The following CROT variants were observed in gnomAD, a reference collection of about 807,000 sequenced individuals.
The protein encoded by CROT is peroxisomal carnitine O-octanoyltransferase.
In CROT, 84 loss-of-function variants were observed where a neutral mutation model predicts 89.2. That is an observed-to-expected ratio of 0.94 (90% CI 0.79 to 1.13). CROT has a LOEUF of 1.13. Ranked by LOEUF, CROT falls within the 50% of genes most tolerant of loss-of-function variation. The pLI, the probability that CROT is intolerant of heterozygous loss-of-function variation, is 0.00. For synonymous variants in CROT, 212 were observed against 239.5 expected (o/e 0.89, Z 1.06); for missense variants, 711 against 727.8 (o/e 0.98, Z 0.27).
intron 7 of CROT, chr7:87,369,686 G>A (rs1440222852): frequency 4.1e-6 from 1 of 244,012 alleles, no homozygotes; most frequent in African/African-American, 2.3e-5. Context: ...ATGTTCACTT[G>A]GAGAAAAGGA....
chr7:87,372,702 C>A (rs1297531179), intron 7 of CROT, among the ~76,000 whole-genome samples: 2 of 152,160 alleles, frequency 1.3e-5, no homozygotes, highest in African/African-American at 4.8e-5. Flanking sequence ...TGGCATCTTA[C>A]AACATGTAGC....
intron 10 of CROT, among the ~76,000 whole-genome samples, chr7:87,378,940 A>G (rs1806900997): frequency 6.6e-6 from 1 of 152,216 alleles, no homozygotes; most frequent in South Asian, 2.1e-4. Flanking sequence ...TACAGTGAAA[A>G]GTTGCCACAA....
intron 10 of CROT, among the ~76,000 whole-genome samples, chr7:87,381,505 T>C (rs1369336661): frequency 6.6e-6 from 1 of 152,214 alleles, no homozygotes; most frequent in Non-Finnish European, 1.5e-5. Flanking sequence ...CCATCCCAAA[T>C]GCTTTCAGAT....
intron 13 of CROT, among the ~76,000 whole-genome samples, chr7:87,391,281 A>G (rs1040742453): frequency 1.1e-4 from 16 of 152,224 alleles, no homozygotes; most frequent in African/African-American, 3.9e-4. Context: ...GTCACTGTCT[A>G]GCCTGCGCTC....
chr7:87,387,652 T>C (rs1051141638), intron 13 of CROT, among the ~76,000 whole-genome samples: 1 of 152,142 alleles, frequency 6.6e-6, no homozygotes, highest in Non-Finnish European at 1.5e-5. Context: ...AAATTTTTGT[T>C]AAGAAAAATC....
intron 13 of CROT, among the ~76,000 whole-genome samples, chr7:87,389,995 T>C (rs1348272284): frequency 2.0e-5 from 3 of 152,306 alleles, no homozygotes; most frequent in East Asian, 1.9e-4. Context: ...TTTTTAAATA[T>C]GGGAATCTTT....
rs187779783 is a variant in CROT, at chr7:87,359,347, T to C, written c.240+17T>C. 7.1e-5 allele frequency: 112 copies of C among 1,584,642 alleles called. No individual in the cohort carries two copies. The East Asian group carries it at 2.4e-3, about 33-fold the overall frequency. ...AGAAATTGGGTATTTGTTGTTATAA[T>C]TGAATAATGATGATGTTTAAAGAAT... On this transcript the variant is annotated intron_variant, in intron 4 of 17. Transcript: ENST00000331536.
At chr7:87,362,114 G>C (rs144901064) in intron 6 of CROT, among the ~76,000 whole-genome samples, 1 of 152,254 alleles carries the variant, frequency 6.6e-6, no homozygotes, top group Non-Finnish European at 1.5e-5. Context: ...TTGAAGAGTA[G>C]AATCAGAGTA....
At chr7:87,392,471 A>G in intron 14 of CROT, 95 bp from the exon 15 acceptor site, 2 of 916,842 alleles carry the variant, frequency 2.2e-6, no homozygotes, top group Non-Finnish European at 3.5e-6. Flanking sequence ...TCCTCTCCCA[A>G]ATTACCCCAA....
At chr7:87,391,206 C>T (rs1348295358) in intron 13 of CROT, among the ~76,000 whole-genome samples, 1 of 152,242 alleles carries the variant, frequency 6.6e-6, no homozygotes, top group East Asian at 1.9e-4. Flanking sequence ...AGAGAGCTCT[C>T]TTTGTAACCT....
intron 3 of CROT, among the ~76,000 whole-genome samples, chr7:87,355,845 G>GA (rs1215360163): frequency 6.6e-6 from 1 of 151,596 alleles, no homozygotes; most frequent in Non-Finnish European, 1.5e-5. Flanking sequence ...TTGCAGAAAG[G>GA]AAAAGGGACA....
chr7:87,359,426 TAC>T lies in CROT; in HGVS notation c.240+98_240+99del, dbSNP rs1181217532. On this transcript the variant is annotated intron_variant, in intron 4 of 17. Coordinates refer to ENST00000331536, the MANE Select transcript of CROT (RefSeq NM_021151.4). ...TTTAAATTATTGCTGTAAAAATTTT[TAC>T]AGTTATTATTGTTATTTTCATAATC... The T allele has an allele frequency of 4.7e-6, 7 of 1,485,890 alleles. No individual in the cohort carries two copies. The East Asian group carries it at 1.5e-4, about 32-fold the overall frequency. The allele number at this position is 1,485,890 out of a possible 1,614,324, so 92.0% of individuals were successfully genotyped here. A position where few individuals can be genotyped will look rare whatever the true frequency, so the allele number is the denominator to read the frequency against.
At chr7:87,351,808 G>C (rs1041927142) in intron 3 of CROT, among the ~76,000 whole-genome samples, 1 of 152,134 alleles carries the variant, frequency 6.6e-6, no homozygotes, top group Non-Finnish European at 1.5e-5. Flanking sequence ...GTCTATAGGA[G>C]GTCCTTCTTT....
chr7:87,386,213 T>C (rs376741578), intron 13 of CROT, among the ~76,000 whole-genome samples: 2 of 152,206 alleles, frequency 1.3e-5, no homozygotes, highest in African/African-American at 4.8e-5. Flanking sequence ...CCCTCTTCAA[T>C]TTTTTGGAAT....
At chr7:87,373,896 C>A (rs79043423) in intron 7 of CROT, among the ~76,000 whole-genome samples, 2,918 of 151,986 alleles carry the variant, frequency 0.019, 102 homozygotes, top group African/African-American at 0.066. Flanking sequence ...GTGAAAAAAT[C>A]AAGTAAGAAG....
chr7:87,361,636 G>GCTTAATT, intron 5 of CROT, 65 bp downstream of exon 5: 3 of 1,529,486 alleles, frequency 2.0e-6, no homozygotes, highest in Non-Finnish European at 2.6e-6. Flanking sequence ...ATGTTGAGAA[G>GCTTAATT]CTTAATTTAC....
At chr7:87,394,313 G>A (rs1022496550) in intron 17 of CROT, among the ~76,000 whole-genome samples, 2 of 152,114 alleles carry the variant, frequency 1.3e-5, no homozygotes, top group African/African-American at 4.8e-5. Flanking sequence ...CACAAAAAGT[G>A]ATCTTTCGTG....
intron 13 of CROT, among the ~76,000 whole-genome samples, chr7:87,383,447 C>T (rs1321896323): frequency 6.7e-6 from 1 of 150,116 alleles, no homozygotes; most frequent in Non-Finnish European, 1.5e-5. Flanking sequence ...GGATTTCATT[C>T]TTTGTTTTTT....
chr7:87,398,933 T>C lies in CROT; in HGVS notation c.*289T>C, dbSNP rs1206138611. Reference sequence around the variant, plus strand: ...CTCAACAATCCAAATCTACAAACTTTAACAATGCAAGTCTTACTCTAATTT... The same window carrying C: ...CTCAACAATCCAAATCTACAAACTTCAACAATGCAAGTCTTACTCTAATTT... On this transcript the variant is annotated 3_prime_UTR_variant, in exon 18 of 18. Transcript: ENST00000331536. The C allele has an allele frequency of 1.7e-5, 5 of 302,986 alleles. No homozygotes were observed. The highest frequency in any genetic ancestry group is 2.4e-5 in the Non-Finnish European group (4 of 163,964). The allele number at this position is 302,986 out of a possible 1,614,324, so 18.8% of individuals were successfully genotyped here.
Sources: gnomAD v4.1 joint callset for allele counts (sites outside exome capture counted in the v4.1 genomes callset) on GRCh38, gnomAD v4.1.1 for gene constraint, MANE v1.5 for transcripts, NCBI Gene and HGNC (gene_info 2026-07-23, HGNC 2026-07-21) for gene names.